The following DDX31 variants were observed in gnomAD, a reference collection of about 807,000 sequenced individuals.
DDX31 encodes DEAD-box helicase 31, also known as ATP-dependent DNA helicase DDX31.
DDX31 carries 70 observed loss-of-function variants against 91.3 expected under a neutral mutation model. That is an observed-to-expected ratio of 0.77 (90% CI 0.63 to 0.94). The LOEUF (loss-of-function observed/expected upper bound fraction) is 0.94, where lower values mean the gene tolerates loss of function less well. DDX31 is among the 40% of genes least tolerant of loss of function. The pLI is 0.00. For missense variants in DDX31, 902 were observed against 925.0 expected (o/e 0.98, Z 0.32); for synonymous variants, 362 against 350.6 (o/e 1.03, Z -0.36).
intron 14 of DDX31, among the ~76,000 whole-genome samples, chr9:132,639,493 G>C (rs1016998937): frequency 6.6e-6 from 1 of 152,222 alleles, no homozygotes; most frequent in Non-Finnish European, 1.5e-5. Flanking sequence ...CTGGCAGGGC[G>C]CAGAGGGCTG....
At chr9:132,605,816 G>C (rs980423746) in intron 19 of DDX31, among the ~76,000 whole-genome samples, 1 of 152,148 alleles carries the variant, frequency 6.6e-6, no homozygotes, top group African/African-American at 2.4e-5. Flanking sequence ...TGTGAGGAGG[G>C]GGGTTTGTTG....
chr9:132,669,829 G>C lies in DDX31; in HGVS notation c.75+31C>G, dbSNP rs747105490. 24 of 1,548,220 alleles carry C rather than the reference G, an allele frequency of 1.6e-5. No individual in the cohort carries two copies. The African/African-American group carries it at 1.9e-4, about 12-fold the overall frequency. ...CGCGCCCACAGCCGGGCCGCGGGTG[G>C]GGACGGAGCTGAAGCCGGGTCAGAA... On this transcript the variant is annotated intron_variant, in intron 1 of 19. Coordinates refer to ENST00000372159, the MANE Select transcript of DDX31 (RefSeq NM_022779.9).
intron 16 of DDX31, among the ~76,000 whole-genome samples, chr9:132,626,638 CTT>C (rs1478513218): frequency 6.9e-6 from 1 of 145,310 alleles, no homozygotes. Flanking sequence ...GTTGTATGCT[CTT>C]TTTTTTTTTT....
At position 132,645,984 on chromosome 9, in the gene DDX31, T is replaced by C; in HGVS notation, c.1291A>G (p.Ser431Gly). 1 of 1,614,058 alleles carries C rather than the reference T, an allele frequency of 6.2e-7. No individual in the cohort carries two copies. Among genetic ancestry groups the C allele is most frequent in the East Asian group, 2.2e-5 (1 of 44,872 alleles). Residue 431 changes from serine (S) to glycine (G), a missense_variant, in exon 13 of 20, where the codon AGC becomes GGC. Ser to Gly is a moderately conservative substitution (Grantham distance 56). Coordinates refer to ENST00000372159, the MANE Select transcript of DDX31 (RefSeq NM_022779.9). ...CCTGATGCCGGCGCCCCTGAGCTGC[T>C]CAGCAGGGTCTGTAGGAAGAGGCTG... ...HYSLFLQTLL[S>G]SSGAPASGQL...
chr9:132,652,953 G>T (rs569853388), intron 6 of DDX31, among the ~76,000 whole-genome samples: 2 of 152,194 alleles, frequency 1.3e-5, no homozygotes, highest in South Asian at 4.2e-4. Context: ...TCTCGGGTAT[G>T]TTTTTATCAG....
chr9:132,641,978 C>T, intron 14 of DDX31, 26 bp downstream of exon 14: 1 of 1,609,024 alleles, frequency 6.2e-7, no homozygotes, highest in Non-Finnish European at 8.5e-7. Flanking sequence ...TATCAGCCTT[C>T]ACATGGAACA....
intron 17 of DDX31, among the ~76,000 whole-genome samples, chr9:132,620,884 A>G (rs1831986393): frequency 6.6e-6 from 1 of 152,222 alleles, no homozygotes; most frequent in African/African-American, 2.4e-5. Flanking sequence ...GCTAACTTCA[A>G]CTAGTGGACC....
intron 8 of DDX31, 116 bp from the exon 9 acceptor site, chr9:132,650,414 G>A: frequency 2.2e-6 from 2 of 922,842 alleles, no homozygotes; most frequent in Non-Finnish European, 3.5e-6. Context: ...GCTTCTCATT[G>A]TATAAGGTGT....
chr9:132,640,082 G>T (rs765746217), intron 14 of DDX31, among the ~76,000 whole-genome samples: 2 of 152,170 alleles, frequency 1.3e-5, no homozygotes, highest in Non-Finnish European at 2.9e-5. Flanking sequence ...CTAGACACTG[G>T]GATAGAAATG....
intron 1 of DDX31, among the ~76,000 whole-genome samples, chr9:132,669,412 T>C (rs1411897070): frequency 4.6e-5 from 7 of 152,114 alleles, no homozygotes; most frequent in African/African-American, 1.7e-4. Context: ...GAAAGCCATC[T>C]GATGAGAATT....
chr9:132,614,737 T>C (rs1367105929), intron 18 of DDX31, among the ~76,000 whole-genome samples: 1 of 152,158 alleles, frequency 6.6e-6, no homozygotes, highest in Non-Finnish European at 1.5e-5. Flanking sequence ...GGTGCCCAGC[T>C]AACAGCTTTA....
intron 1 of DDX31, among the ~76,000 whole-genome samples, chr9:132,666,875 G>A (rs1048831628): frequency 7.9e-5 from 12 of 151,986 alleles, no homozygotes; most frequent in Non-Finnish European, 1.6e-4. Flanking sequence ...CACCACACCC[G>A]GCTAATTTTT....
Position 132,662,698 on chromosome 9 carries a change from G to A in DDX31, c.76-3C>T. ...TTTCTTTTCGTAGCCTTTGCTTGCT[G>A]CGTTGTTCCCAGAAGGAAAGATCAA... On this transcript the variant is annotated splice_region_variant and splice_polypyrimidine_tract_variant and intron_variant, in intron 1 of 19. Transcript: ENST00000372159. 2.5e-6 allele frequency: 4 copies of A among 1,613,896 alleles called. No homozygotes were observed. Among genetic ancestry groups the A allele is most frequent in the Non-Finnish European group, 1.7e-6 (2 of 1,180,004 alleles).
chr9:132,616,377 A>G (rs953634303), intron 18 of DDX31, among the ~76,000 whole-genome samples: 21 of 152,352 alleles, frequency 1.4e-4, no homozygotes, highest in African/African-American at 4.6e-4. Context: ...AACAAGTTCA[A>G]TGGTAATAAC....
intron 6 of DDX31, among the ~76,000 whole-genome samples, chr9:132,657,056 T>A (rs1834613025): frequency 6.6e-6 from 1 of 152,192 alleles, no homozygotes; most frequent in African/African-American, 2.4e-5. Flanking sequence ...TACACAACTA[T>A]TACTTATGAA....
chr9:132,624,062 G>C (rs923412455), intron 17 of DDX31, among the ~76,000 whole-genome samples: 11 of 149,810 alleles, frequency 7.3e-5, no homozygotes, highest in African/African-American at 2.7e-4. Flanking sequence ...AGCTGCTCAA[G>C]AGGCTGAGGC....
intron 7 of DDX31, 113 bp from the exon 8 acceptor site, chr9:132,651,229 A>G: frequency 1.1e-6 from 1 of 896,080 alleles, no homozygotes; most frequent in Non-Finnish European, 1.7e-6. Flanking sequence ...AGATTTAAGA[A>G]GAAAAAAAAT....
chr9:132,665,001 G>A (rs946631505), intron 1 of DDX31, among the ~76,000 whole-genome samples: 11 of 152,122 alleles, frequency 7.2e-5, no homozygotes, highest in African/African-American at 2.2e-4. Context: ...TCAAGCCAAG[G>A]TGCTCTGTTC....
At chr9:132,666,966 G>T (rs1471502083) in intron 1 of DDX31, among the ~76,000 whole-genome samples, 1 of 151,946 alleles carries the variant, frequency 6.6e-6, no homozygotes. Flanking sequence ...ACCGGCCTCG[G>T]CCTCCCAAAG....
Sources: gnomAD v4.1 joint callset for allele counts (sites outside exome capture counted in the v4.1 genomes callset) on GRCh38, gnomAD v4.1.1 for gene constraint, MANE v1.5 for transcripts, NCBI Gene and HGNC (gene_info 2026-07-23, HGNC 2026-07-21) for gene names.